Variants in GRM7 observed in about 807,000 individuals in gnomAD.
GRM7 encodes the protein glutamate metabotropic receptor 7, also known as metabotropic glutamate receptor 7.
Under a neutral mutation model 84.5 loss-of-function variants are expected in GRM7, and 35 were observed. The ratio of observed to expected loss-of-function variants is 0.41; its 90% CI spans 0.32 to 0.55. The LOEUF (loss-of-function observed/expected upper bound fraction) is 0.55, where lower values mean the gene tolerates loss of function less well. Ranked by LOEUF, GRM7 falls within the 20% of genes least tolerant of loss-of-function variation. The pLI is 0.19. For missense variants in GRM7, 1,003 were observed against 1,194.6 expected (o/e 0.84, Z 2.36); for synonymous variants, 487 against 455.1 (o/e 1.07, Z -0.89).
At chr3:7,252,384 G>A (rs1281423499) in intron 2 of GRM7, among the ~76,000 whole-genome samples, 1 of 152,172 alleles carries the variant, frequency 6.6e-6, no homozygotes, top group African/African-American at 2.4e-5. Context: ...CCAAAATAGA[G>A]TGGTCTGCAC....
chr3:6,956,890 C>T (rs1265083119), intron 1 of GRM7, among the ~76,000 whole-genome samples: 1 of 152,156 alleles, frequency 6.6e-6, no homozygotes. Context: ...GTAATGAACA[C>T]ATAGGCTAAA....
intron 7 of GRM7, among the ~76,000 whole-genome samples, chr3:7,556,965 A>G (rs1366740515): frequency 1.3e-5 from 2 of 152,224 alleles, no homozygotes; most frequent in African/African-American, 4.8e-5. Context: ...AGGCATAAAA[A>G]GCAGGTCTTT....
intron 1 of GRM7, among the ~76,000 whole-genome samples, chr3:6,974,225 G>A (rs184732488): frequency 1.7e-3 from 262 of 152,256 alleles, no homozygotes; most frequent in Admixed American, 3.4e-3. Flanking sequence ...GAAATGTGTA[G>A]CATGTTGATG....
rs151191866 is a variant in GRM7 at position 6,861,466 on chromosome 3, C to T, written c.78C>T (p.Cys26=). The T allele has an allele frequency of 8.2e-5, 128 of 1,562,878 alleles. No homozygotes were observed. Among genetic ancestry groups the T allele is most frequent in the Non-Finnish European group, 1.1e-4 (123 of 1,154,708 alleles). ...GCTGCGTGCTGGAGGTGCTCCTGTG[C>T]GCGCTGGCGGCGGCGGCGCGCGGCC... The part of the protein sequence containing the change: ...FPCCVLEVLL[C]ALAAAARGQE... Residue 26 remains cysteine (C), a synonymous_variant, in exon 1 of 10, where the codon TGC becomes TGT. Coordinates refer to ENST00000357716, the MANE Select transcript of GRM7 (RefSeq NM_000844.4). This position sits in a 1 kb window ranked among gnomAD's most constrained non-coding sequence, Gnocchi z 6.4.
intron 2 of GRM7, among the ~76,000 whole-genome samples, chr3:7,251,451 G>C (rs1168718980): frequency 6.6e-6 from 1 of 152,014 alleles, no homozygotes; most frequent in African/African-American, 2.4e-5. Context: ...GGAATATAAT[G>C]AAAATATGCA....
At chr3:7,721,775 A>G (rs1559505621) in intron 9 of GRM7, among the ~76,000 whole-genome samples, 1 of 152,224 alleles carries the variant, frequency 6.6e-6, no homozygotes, top group Non-Finnish European at 1.5e-5. Flanking sequence ...GGTTGTATGC[A>G]AGACTAGCGG....
At chr3:7,174,371 G>A (rs1695078098) in intron 2 of GRM7, among the ~76,000 whole-genome samples, 1 of 152,178 alleles carries the variant, frequency 6.6e-6, no homozygotes, top group Non-Finnish European at 1.5e-5. Context: ...ACATCATAGT[G>A]ATTTAGAATT....
At chr3:7,526,591 T>G (rs1575453276) in intron 7 of GRM7, among the ~76,000 whole-genome samples, 1 of 152,136 alleles carries the variant, frequency 6.6e-6, no homozygotes, top group Non-Finnish European at 1.5e-5. Context: ...AGTCATAAAT[T>G]CATTGCCTAG....
chr3:7,097,267 A>G (rs1698890236), intron 1 of GRM7, among the ~76,000 whole-genome samples: 1 of 152,242 alleles, frequency 6.6e-6, no homozygotes, highest in East Asian at 1.9e-4. Flanking sequence ...AGGCATGTGT[A>G]AGAGGATATG....
intron 7 of GRM7, among the ~76,000 whole-genome samples, chr3:7,510,261 C>T (rs896022181): frequency 6.6e-6 from 1 of 152,092 alleles, no homozygotes; most frequent in Non-Finnish European, 1.5e-5. Flanking sequence ...TAGAACTTGT[C>T]TTTTGAACAT....
intron 2 of GRM7, among the ~76,000 whole-genome samples, chr3:7,275,823 T>C (rs929034697): frequency 9.2e-5 from 14 of 152,108 alleles, no homozygotes; most frequent in Non-Finnish European, 2.1e-4. Context: ...CTCCAGAAGG[T>C]AAAACCCACA....
intron 6 of GRM7, among the ~76,000 whole-genome samples, chr3:7,459,323 A>T (rs1375919): frequency 2.0e-5 from 3 of 151,948 alleles, no homozygotes; most frequent in African/African-American, 7.3e-5. Context: ...ATACCAGTTA[A>T]GTATGAACAC....
intron 1 of GRM7, among the ~76,000 whole-genome samples, chr3:7,034,291 TAA>T (rs60123218): frequency 2.0e-5 from 3 of 146,406 alleles, no homozygotes; most frequent in African/African-American, 5.0e-5. Flanking sequence ...TGGTGGGGGT[TAA>T]AAAAAAAAAA....
At chr3:7,481,025 G>A (rs1290978678) in intron 7 of GRM7, among the ~76,000 whole-genome samples, 5 of 151,916 alleles carry the variant, frequency 3.3e-5, no homozygotes, top group African/African-American at 1.2e-4. Context: ...GGGCAAACAC[G>A]GACAGGGCCA....
Position 6,861,652 on chromosome 3 carries a change from G to A in GRM7, c.264G>A (p.Gln88=). 6.2e-7 allele frequency: 1 copy of A among 1,613,948 alleles called. No homozygotes were observed. The highest frequency in any genetic ancestry group is 8.5e-7 in the Non-Finnish European group (1 of 1,179,962). ...RLEAMLYALD[Q]INSDPNLLPN... ...AAGCGATGCTCTACGCCCTGGACCA[G>A]ATCAACAGTGATCCCAACCTACTGC... Residue 88 remains glutamine, a synonymous_variant, in exon 1 of 10, where the codon CAG becomes CAA. Coordinates refer to ENST00000357716, the MANE Select transcript of GRM7 (RefSeq NM_000844.4). The surrounding 1 kb of genome is among the most constrained non-coding windows in gnomAD (Gnocchi z 6.4).
At chr3:7,734,616 T>A (rs9822796) in intron 9 of GRM7, among the ~76,000 whole-genome samples, 13,526 of 152,268 alleles carry the variant, frequency 0.089, 1,747 homozygotes, top group African/African-American at 0.28. Flanking sequence ...TGACTGATCA[T>A]GTTTTTACCC....
intron 9 of GRM7, chr3:7,690,979 C>G (rs1222324909): frequency 2.9e-6 from 1 of 340,218 alleles, no homozygotes; most frequent in Non-Finnish European, 5.7e-6. Flanking sequence ...TCCCAATATT[C>G]AAGAGAGGTG....
chr3:7,323,256 C>G (rs1700855468), intron 4 of GRM7, among the ~76,000 whole-genome samples: 1 of 152,132 alleles, frequency 6.6e-6, no homozygotes, highest in Non-Finnish European at 1.5e-5. Context: ...AGCAGCCTAT[C>G]CCACATAGTG....
At chr3:7,436,352 A>C (rs1311103872) in intron 5 of GRM7, among the ~76,000 whole-genome samples, 1 of 152,152 alleles carries the variant, frequency 6.6e-6, no homozygotes, top group Non-Finnish European at 1.5e-5. Flanking sequence ...GATAATAAAC[A>C]GTTTAGGATT....
Sources: allele counts gnomAD v4.1 joint callset (sites outside exome capture counted in the v4.1 genomes callset), GRCh38; gene constraint gnomAD v4.1.1; non-coding constraint Gnocchi (gnomAD v3.1); transcripts MANE v1.5; gene names NCBI Gene and HGNC (gene_info 2026-07-23, HGNC 2026-07-21).